The following RELCH variants were observed in gnomAD, a reference collection of about 807,000 sequenced individuals.
RELCH encodes RAB11-binding protein RELCH.
A neutral mutation model predicts 150.3 loss-of-function variants in RELCH; 41 were observed. The ratio of observed to expected loss-of-function variants is 0.27; its 90% CI spans 0.21 to 0.35. RELCH has a LOEUF of 0.35. Among genes scored for constraint, RELCH ranks in the 10% least tolerant of loss-of-function variants. The pLI is 1.00. For missense variants in RELCH, 1,092 were observed against 1,467.8 expected, an observed-to-expected ratio of 0.74 and a Z score of 4.18; for synonymous variants, 478 against 531.8, an observed-to-expected ratio of 0.90 and a Z score of 1.39.
chr18:62,211,668 G>A (rs1313484787), intron 2 of RELCH, among the ~76,000 whole-genome samples: 1 of 151,966 alleles, frequency 6.6e-6, no homozygotes, highest in Non-Finnish European at 1.5e-5. Context: ...TGTAATCCCA[G>A]CTATTTGCTA....
At chr18:62,275,034 A>G (rs1220674998) in intron 21 of RELCH, among the ~76,000 whole-genome samples, 4 of 152,204 alleles carry the variant, frequency 2.6e-5, no homozygotes, top group Non-Finnish European at 4.4e-5. Context: ...CTCCTGCCTC[A>G]GCCTCCTGAG....
intron 2 of RELCH, among the ~76,000 whole-genome samples, chr18:62,217,584 C>T (rs903196329): frequency 1.3e-5 from 2 of 151,890 alleles, no homozygotes; most frequent in Non-Finnish European, 2.9e-5. Flanking sequence ...ATGATGAAAT[C>T]CATAGATAAT....
Position 62,305,346 on chromosome 18 carries a change from C to A in RELCH, c.3531-68C>A. On this transcript the variant is annotated intron_variant, in intron 28 of 28. Coordinates refer to ENST00000644646, the MANE Select transcript of RELCH (RefSeq NM_001346231.2). The surrounding 1 kb of genome is among the most constrained non-coding windows in gnomAD (Gnocchi z 4.0). Reference sequence around the variant, plus strand: ...TCAGAGTGTGTTCGTTAATGATATGCTACTAAATAAATGAAAAATTTTTAT... The same window carrying A: ...TCAGAGTGTGTTCGTTAATGATATGATACTAAATAAATGAAAAATTTTTAT... 7.2e-7 allele frequency: 1 copy of A among 1,381,314 alleles called. No homozygotes were observed. 85.6% of individuals were successfully genotyped at this position (1,381,314 alleles called of 1,614,324 possible). A position where few individuals can be genotyped will look rare whatever the true frequency, so the allele number is the denominator to read the frequency against.
At chr18:62,269,397 A>ATT (rs138257442) in intron 20 of RELCH, 292 of 405,850 alleles carry the variant, frequency 7.2e-4, no homozygotes, top group African/African-American at 1.3e-3. Context: ...CAGATTTTGG[A>ATT]TTTTTTTTTT....
chr18:62,235,927 A>G (rs780861681), intron 10 of RELCH, among the ~76,000 whole-genome samples: 5 of 152,038 alleles, frequency 3.3e-5, no homozygotes, highest in Non-Finnish European at 7.4e-5. Flanking sequence ...CTTCTTTACA[A>G]TATAGATGGC....
intron 2 of RELCH, among the ~76,000 whole-genome samples, chr18:62,219,180 T>C (rs1478719179): frequency 6.6e-6 from 1 of 151,830 alleles, no homozygotes; most frequent in Non-Finnish European, 1.5e-5. Context: ...CATAAAAATA[T>C]AAATTCTTGC....
At chr18:62,274,751 T>C (rs912050322) in intron 21 of RELCH, among the ~76,000 whole-genome samples, 1 of 152,342 alleles carries the variant, frequency 6.6e-6, no homozygotes, top group South Asian at 2.1e-4. Flanking sequence ...TTTTTCCTCA[T>C]GGAGAAATTT....
Position 62,237,066 on chromosome 18 carries a change from A to T in RELCH, c.1620+4639A>T, listed in dbSNP as rs182560717. The stretch of plus-strand genomic sequence containing the variant: ...CTTGACCTATTGCTTATTTAAGAGC[A>T]TGTTGTTTAATAGCCACATATTTGT... On this transcript the variant is annotated intron_variant, in intron 10 of 28. Transcript: ENST00000644646. Among the ~76,000 whole-genome samples the T allele has an allele frequency of 5.3e-3, 812 of 151,874 alleles. 4 individuals are homozygous for T. Among genetic ancestry groups the T allele is most frequent in the Non-Finnish European group, 8.4e-3 (570 of 67,762 alleles).
At chr18:62,279,568 G>A (rs1165128807) in intron 22 of RELCH, among the ~76,000 whole-genome samples, 4 of 152,184 alleles carry the variant, frequency 2.6e-5, no homozygotes, top group African/African-American at 4.8e-5. Context: ...TTTCATGGAC[G>A]CTAGGCTACT....
chr18:62,272,512 G>T (rs1023134569), intron 20 of RELCH, among the ~76,000 whole-genome samples: 1 of 152,054 alleles, frequency 6.6e-6, no homozygotes, highest in Admixed American at 6.6e-5. Context: ...TATCTGTAAA[G>T]AGATAAGAAC....
At chr18:62,292,560 C>T (rs1053768293) in intron 27 of RELCH, among the ~76,000 whole-genome samples, 5 of 152,134 alleles carry the variant, frequency 3.3e-5, no homozygotes, top group African/African-American at 4.8e-5. Context: ...ATGCTGGAGC[C>T]ATAGAACTTC....
At position 62,305,608 on chromosome 18, in the gene RELCH, G is replaced by A. The variant is rs78269145; in HGVS notation, c.*74G>A. The A allele has an allele frequency of 9.8e-4, 1,430 of 1,465,142 alleles. 14 individuals are homozygous for A. The African/African-American group carries it at 0.019, about 19-fold the overall frequency. 90.8% of individuals were successfully genotyped at this position (1,465,142 alleles called of 1,614,324 possible). ...CTGGTTCCTTGTACTTGAAGTACTT[G>A]CCTTTTTTGTTTCCTCAGTTTTATG... On this transcript the variant is annotated 3_prime_UTR_variant, in exon 29 of 29. Transcript: ENST00000644646. The surrounding 1 kb of genome is among the most constrained non-coding windows in gnomAD (Gnocchi z 4.0).
intron 11 of RELCH, among the ~76,000 whole-genome samples, chr18:62,248,862 T>C (rs1410732244): frequency 6.6e-6 from 1 of 151,992 alleles, no homozygotes; most frequent in Non-Finnish European, 1.5e-5. Flanking sequence ...CAGATCAGGG[T>C]GACACATGAG....
chr18:62,272,862 T>A (rs951020319), intron 20 of RELCH, among the ~76,000 whole-genome samples: 1 of 152,120 alleles, frequency 6.6e-6, no homozygotes, highest in Non-Finnish European at 1.5e-5. Flanking sequence ...ATTTTATATT[T>A]GAAATAGTAG....
At chr18:62,196,140 T>C (rs1380232019) in intron 1 of RELCH, among the ~76,000 whole-genome samples, 1 of 152,250 alleles carries the variant, frequency 6.6e-6, no homozygotes, top group African/African-American at 2.4e-5. Flanking sequence ...CCTTCTACTT[T>C]ATAAAGTAGT....
At position 62,244,876 on chromosome 18, in the gene RELCH, G is replaced by A; in HGVS notation, c.1733G>A (p.Arg578Lys). 6.3e-7 allele frequency: 1 copy of A among 1,583,784 alleles called. No individual in the cohort carries two copies. Among genetic ancestry groups the A allele is most frequent in the Non-Finnish European group, 8.7e-7 (1 of 1,152,568 alleles). The change falls in exon 11 of 29, where the codon AGG becomes AAG. Residue 578 changes from arginine (R) to lysine (K), a missense_variant and splice_region_variant. Transcript: ENST00000644646. ...ATCAAGAGGCCAGATGATGAGCAAA[G>A]GTGGGTATGATTACATATGTGAAAA... ...NLIKRPDDEQ[R>K]QMILTGCVAF...
At chr18:62,246,826 G>A (rs1240352036) in intron 11 of RELCH, 1 of 152,156 alleles carries the variant, frequency 6.6e-6, no homozygotes, top group African/African-American at 2.4e-5. Flanking sequence ...AAGAAATAGA[G>A]GGAGATGGGC....
intron 22 of RELCH, among the ~76,000 whole-genome samples, chr18:62,278,524 G>A (rs1247109473): frequency 6.6e-6 from 1 of 152,036 alleles, no homozygotes; most frequent in Non-Finnish European, 1.5e-5. Context: ...TCTCTGATGT[G>A]TTATATAGGA....
chr18:62,284,362 G>A (rs2044680426), intron 25 of RELCH: 1 of 152,182 alleles, frequency 6.6e-6, no homozygotes, highest in Admixed American at 6.5e-5. Flanking sequence ...ACAGATTGAG[G>A]TGAGAAATTC....
Sources: gnomAD v4.1 joint callset for allele counts (sites outside exome capture counted in the v4.1 genomes callset) on GRCh38, gnomAD v4.1.1 for gene constraint, Gnocchi (gnomAD v3.1) non-coding constraint, MANE v1.5 for transcripts, NCBI Gene and HGNC (gene_info 2026-07-23, HGNC 2026-07-21) for gene names.